The following JAK1 variants were observed in gnomAD, a reference collection of about 807,000 sequenced individuals.
JAK1 encodes tyrosine-protein kinase JAK1.
JAK1 carries 16 observed loss-of-function variants against 136.6 expected under a neutral mutation model. The observed-to-expected ratio is 0.12, with a 90% CI of 0.08 to 0.18. JAK1 has a LOEUF of 0.18. JAK1 is among the 10% of genes least tolerant of loss of function. JAK1 has a pLI of 1.00. For synonymous variants in JAK1, 492 were observed against 519.5 expected, an observed-to-expected ratio of 0.95 and a Z score of 0.72; for missense variants, 859 against 1,450.1, an observed-to-expected ratio of 0.59 and a Z score of 6.62.
intron 8 of JAK1, among the ~76,000 whole-genome samples, chr1:64,861,202 G>A (rs933788330): frequency 6.6e-6 from 1 of 152,134 alleles, no homozygotes; most frequent in African/African-American, 2.4e-5. Context: ...AGGCAGTGTG[G>A]TTCATCTCAT....
Position 64,955,014 on chromosome 1 carries a change from G to T in JAK1, c.-78+11319C>A, listed in dbSNP as rs77779264. Among the ~76,000 whole-genome samples the T allele has an allele frequency of 2.3e-3, 348 of 152,258 alleles. 8 individuals are homozygous for T. In the East Asian group the frequency reaches 0.058, roughly 25 times the overall value. On this transcript the variant is annotated intron_variant, in intron 1 of 24. Transcript: ENST00000342505. ...CAATGAGTCTTCCAAAATACTTGAT[G>T]ATCCTTTACAAAACTGTACCACCTA...
chr1:64,881,640 G>C (rs546078760), intron 3 of JAK1, among the ~76,000 whole-genome samples: 1 of 152,282 alleles, frequency 6.6e-6, no homozygotes, highest in South Asian at 2.1e-4. Context: ...TTACAGAAGA[G>C]ACACCACTCA....
intron 1 of JAK1, among the ~76,000 whole-genome samples, chr1:64,888,389 C>G (rs1489274635): frequency 3.3e-5 from 5 of 152,182 alleles, no homozygotes; most frequent in Non-Finnish European, 7.3e-5. Context: ...ACCATGTTGG[C>G]CAGGATGGTC....
At chr1:65,000,563 G>A (rs992231688) in intron 2 of JAK1, among the ~76,000 whole-genome samples, 8 of 151,758 alleles carry the variant, frequency 5.3e-5, no homozygotes, top group South Asian at 2.1e-4. Flanking sequence ...CAATACTTCC[G>A]GACACAATTT....
rs1570612839 is a variant in JAK1 at position 64,841,223 on chromosome 1, A to C, written c.2649+22T>G. On this transcript the variant is annotated intron_variant, in intron 19 of 24. Transcript: ENST00000342505. ...GGCGGAGGGCTCTGCCATCAGCAGC[A>C]AGCAGCACGGGTGTAACTTACCTCT... is the stretch of plus-strand genomic sequence containing the variant. 3.2e-6 allele frequency: 5 copies of C among 1,562,712 alleles called. No individual in the cohort carries two copies. In the East Asian group the frequency reaches 1.1e-4, roughly 35 times the overall value.
At chr1:65,045,519 T>A in intron 1 of JAK1, among the ~76,000 whole-genome samples, 1 of 143,416 alleles carries the variant, frequency 7.0e-6, no homozygotes, top group Middle Eastern at 3.5e-3. Context: ...AAGCATGAAA[T>A]CATGGTGGCT....
At chr1:64,874,127 C>T (rs528970184) in intron 4 of JAK1, among the ~76,000 whole-genome samples, 16 of 152,196 alleles carry the variant, frequency 1.1e-4, no homozygotes, top group African/African-American at 3.1e-4. Context: ...ATCTTCACAG[C>T]AACTCTACAA....
At chr1:64,968,357 G>A (rs10889513), upstream of JAK1, among the ~76,000 whole-genome samples, 29,477 of 152,056 alleles carry the variant, frequency 0.19, 3,514 homozygotes, top group East Asian at 0.41. Flanking sequence ...AGACAGGCAA[G>A]TAACAATTCA....
intron 2 of JAK1, among the ~76,000 whole-genome samples, chr1:64,997,735 G>T (rs1025330095): frequency 2.2e-4 from 33 of 152,088 alleles, no homozygotes; most frequent in African/African-American, 8.0e-4. Flanking sequence ...GGACTGTTGT[G>T]GGGAGGAGTC....
At chr1:64,867,601 C>A (rs918789073) in intron 6 of JAK1, among the ~76,000 whole-genome samples, 2 of 152,212 alleles carry the variant, frequency 1.3e-5, no homozygotes, top group African/African-American at 4.8e-5. Flanking sequence ...GTGTTAGGAG[C>A]AATTGTCATT....
intron 1 of JAK1, among the ~76,000 whole-genome samples, chr1:64,914,769 G>A (rs529317634): frequency 1.3e-5 from 2 of 152,172 alleles, no homozygotes; most frequent in African/African-American, 4.8e-5. Flanking sequence ...TCACCATGTT[G>A]GCCAGGCTGG....
Position 64,914,136 on chromosome 1 carries a change from C to G in JAK1, c.-77-27795G>C, listed in dbSNP as rs952956467. 2.0e-5 allele frequency among the ~76,000 whole-genome samples: 3 copies of G among 152,136 alleles called. No individual in the cohort carries two copies. The South Asian group carries it at 6.2e-4, about 32-fold the overall frequency. ...GTCAGGTCATTTTGAGAGCAGCTGACAGAAGGCAGAGACCAGCAGTTTGGA... is the reference window on the plus strand; with the variant it reads ...GTCAGGTCATTTTGAGAGCAGCTGAGAGAAGGCAGAGACCAGCAGTTTGGA... On this transcript the variant is annotated intron_variant, in intron 1 of 24. Transcript: ENST00000342505.
At chr1:64,927,526 T>A (rs1344413034) in intron 1 of JAK1, among the ~76,000 whole-genome samples, 1 of 152,216 alleles carries the variant, frequency 6.6e-6, no homozygotes, top group Non-Finnish European at 1.5e-5. Flanking sequence ...AAACCCAGAT[T>A]TGACTCCAAA....
chr1:64,902,951 G>A (rs1363213850), intron 1 of JAK1, among the ~76,000 whole-genome samples: 1 of 152,312 alleles, frequency 6.6e-6, no homozygotes, highest in East Asian at 1.9e-4. Flanking sequence ...CTACCCTGGA[G>A]ACCACTGTAA....
intron 1 of JAK1, among the ~76,000 whole-genome samples, chr1:64,942,793 G>A (rs1645913849): frequency 6.6e-6 from 1 of 152,166 alleles, no homozygotes; most frequent in Non-Finnish European, 1.5e-5. Context: ...AAGGTGGGAA[G>A]TAGAACGAGG....
rs375956016 is a variant in JAK1, at chr1:64,998,313, C to T, written c.-78+46167G>A. Among the ~76,000 whole-genome samples the T allele has an allele frequency of 1.9e-4, 29 of 152,248 alleles. 5 individuals carry two copies. Among genetic ancestry groups the T allele is most frequent in the Admixed American group, 3.3e-4 (5 of 15,288 alleles). On this transcript the variant is annotated intron_variant, in intron 2 of 25. Coordinates refer to the JAK1 transcript ENST00000671954. ...TCCAAGCATTGTTGAAAGTAATTAC[C>T]ATACTTACATGGTCACAGCAGGCAT...
chr1:65,042,899 C>A (rs1288034187), intron 2 of JAK1, among the ~76,000 whole-genome samples: 1 of 152,100 alleles, frequency 6.6e-6, no homozygotes, highest in Non-Finnish European at 1.5e-5. Context: ...GACTGATGGC[C>A]AGAGAGAGAA....
chr1:65,023,516 C>CT (rs1008164993), intron 2 of JAK1, among the ~76,000 whole-genome samples: 32 of 151,546 alleles, frequency 2.1e-4, no homozygotes, highest in South Asian at 1.5e-3. Flanking sequence ...GAACCACTTT[C>CT]TTTTTTTTTG....
intron 2 of JAK1, among the ~76,000 whole-genome samples, chr1:65,018,926 G>A (rs1342716471): frequency 1.3e-5 from 2 of 152,130 alleles, no homozygotes; most frequent in Non-Finnish European, 2.9e-5. Flanking sequence ...CAGGAGAACG[G>A]GGTGAACCCA....
Sources: gnomAD v4.1 joint callset for allele counts (sites outside exome capture counted in the v4.1 genomes callset) on GRCh38, gnomAD v4.1.1 for gene constraint, MANE v1.5 for transcripts, NCBI Gene and HGNC (gene_info 2026-07-23, HGNC 2026-07-21) for gene names.